The following RELL1 variants were observed in gnomAD, a reference collection of about 807,000 sequenced individuals.
RELL1 encodes the protein RELT-like protein 1.
A neutral mutation model predicts 23.0 loss-of-function variants in RELL1; 10 were observed. The ratio of observed to expected loss-of-function variants is 0.43; its 90% CI spans 0.27 to 0.74. The LOEUF (loss-of-function observed/expected upper bound fraction) is 0.74, where lower values mean the gene tolerates loss of function less well. Among genes scored for constraint, RELL1 ranks in the 30% least tolerant of loss-of-function variants. The pLI, the probability that RELL1 is intolerant of heterozygous loss-of-function variation, is 0.19. For missense variants in RELL1, 315 were observed against 364.4 expected (o/e 0.86, Z 1.10); for synonymous variants, 146 against 146.8 (o/e 0.99, Z 0.04).
At chr4:37,588,633 T>C (rs1331814991), downstream of RELL1, 1 of 516,192 alleles carries the variant, frequency 1.9e-6, no homozygotes, top group Non-Finnish European at 3.5e-6. Flanking sequence ...CAGAGGCAAG[T>C]GTCAGTGAAC....
chr4:37,609,328 AG>A (rs1385222764), downstream of RELL1, among the ~76,000 whole-genome samples: 1 of 152,234 alleles, frequency 6.6e-6, no homozygotes, highest in African/African-American at 2.4e-5. Context: ...CCCACTGTTG[AG>A]ACCTACTGCT....
intron 3 of RELL1, among the ~76,000 whole-genome samples, chr4:37,646,033 T>C (rs1311501906): frequency 6.6e-6 from 1 of 152,148 alleles, no homozygotes; most frequent in Non-Finnish European, 1.5e-5. Flanking sequence ...TTTAGACAAA[T>C]GGCTCAGCTC....
intron 1 of RELL1, among the ~76,000 whole-genome samples, chr4:37,677,015 T>C (rs950482621): frequency 5.3e-5 from 8 of 152,220 alleles, no homozygotes; most frequent in African/African-American, 1.9e-4. Context: ...CGAACCTTTC[T>C]GGGCTAGTTT....
At chr4:37,686,079 G>T in intron 1 of RELL1, 121 bp downstream of exon 1, 1 of 851,290 alleles carries the variant, frequency 1.2e-6, no homozygotes, top group Non-Finnish European at 1.8e-6. Flanking sequence ...TCAGTGCCGG[G>T]ATCCCGCGGC....
chr4:37,590,818 T>C, exon 7 of RELL1: 1 of 1,614,218 alleles, frequency 6.2e-7, no homozygotes, highest in Non-Finnish European at 8.5e-7. Context: ...AAGCATCTGC[T>C]TTAATGAGAA....
At chr4:37,595,522 G>A (rs947813352) in intron 6 of RELL1, among the ~76,000 whole-genome samples, 3 of 151,588 alleles carry the variant, frequency 2.0e-5, no homozygotes, top group Admixed American at 6.6e-5. Flanking sequence ...ATCTTTTCCC[G>A]GTCTGGTTGG....
downstream of RELL1, among the ~76,000 whole-genome samples, chr4:37,589,484 C>T (rs1718485683): frequency 6.6e-6 from 1 of 152,194 alleles, no homozygotes; most frequent in Admixed American, 6.5e-5. Flanking sequence ...TAATATTCCA[C>T]TGAGAGGATA....
chr4:37,623,101 C>A, intron 6 of RELL1: 1 of 315,980 alleles, frequency 3.2e-6, no homozygotes, highest in Non-Finnish European at 6.2e-6. Flanking sequence ...CCGCACCCGG[C>A]CAAGAAATAC....
intron 6 of RELL1, among the ~76,000 whole-genome samples, chr4:37,604,922 CACACACACACAG>C (rs1489586494): frequency 0.042 from 2,903 of 69,876 alleles, 343 homozygotes; most frequent in Non-Finnish European, 0.046. Flanking sequence ...CACACACAGA[CACACACACACAG>C]ACACACACAT....
At chr4:37,652,021 C>A (rs781635555) in intron 1 of RELL1, among the ~76,000 whole-genome samples, 40 of 152,292 alleles carry the variant, frequency 2.6e-4, no homozygotes, top group African/African-American at 9.6e-4. Flanking sequence ...GGCAGAGCGT[C>A]GCCAGCCAGG....
In RELL1 at chr4:37,624,993, C is replaced by T. The variant is rs189048437; in HGVS notation, c.*3+6392G>A. On this transcript the variant is annotated intron_variant, in intron 6 of 6. Transcript: ENST00000454158. ...GTGCCAAGGATTGACTTATGAACTA[C>T]ACATATATCGTATCATGTATGTCCA... 2.9e-4 allele frequency among the ~76,000 whole-genome samples: 44 copies of T among 152,298 alleles called. No individual in the cohort carries two copies. In the East Asian group the frequency reaches 8.1e-3, roughly 28 times the overall value.
intron 1 of RELL1, among the ~76,000 whole-genome samples, chr4:37,674,808 C>T (rs1721965783): frequency 6.6e-6 from 1 of 152,222 alleles, no homozygotes; most frequent in Admixed American, 6.5e-5. Flanking sequence ...ATAATGTTTA[C>T]ATCTACGCAT....
intron 6 of RELL1, among the ~76,000 whole-genome samples, chr4:37,617,611 C>A (rs963991431): frequency 6.6e-6 from 1 of 152,102 alleles, no homozygotes; most frequent in Non-Finnish European, 1.5e-5. Context: ...GGTGAAACCA[C>A]GTCTCTACTA....
intron 6 of RELL1, among the ~76,000 whole-genome samples, chr4:37,596,073 T>G (rs1718833336): frequency 6.6e-6 from 1 of 152,212 alleles, no homozygotes. Context: ...TCAGAGGCCC[T>G]GCCCATGTGA....
At chr4:37,626,270 G>T (rs1719940475) in intron 6 of RELL1, among the ~76,000 whole-genome samples, 1 of 152,162 alleles carries the variant, frequency 6.6e-6, no homozygotes, top group African/African-American at 2.4e-5. Context: ...TTGAGATCAG[G>T]AGTTCAAGAT....
At chr4:37,624,682 G>T (rs918477898) in intron 6 of RELL1, among the ~76,000 whole-genome samples, 3 of 152,002 alleles carry the variant, frequency 2.0e-5, no homozygotes, top group African/African-American at 7.3e-5. Flanking sequence ...GCCCACCTCG[G>T]CCTCCCACAG....
At chr4:37,666,128 A>T (rs192273979) in intron 1 of RELL1, among the ~76,000 whole-genome samples, 7 of 152,298 alleles carry the variant, frequency 4.6e-5, no homozygotes, top group Non-Finnish European at 7.4e-5. Flanking sequence ...CTTTACTGGA[A>T]TTTTTACTTA....
intron 6 of RELL1, among the ~76,000 whole-genome samples, chr4:37,601,682 C>A (rs769968682): frequency 2.0e-5 from 3 of 152,220 alleles, no homozygotes; most frequent in Non-Finnish European, 2.9e-5. Context: ...GTGAAGGCAG[C>A]TCTAGGAAGT....
At chr4:37,632,300 T>C (rs1399968904) in intron 5 of RELL1, among the ~76,000 whole-genome samples, 2 of 151,704 alleles carry the variant, frequency 1.3e-5, no homozygotes, top group African/African-American at 4.8e-5. Flanking sequence ...GCCTCTCAAG[T>C]AGCTGGGATT....
Sources: gnomAD v4.1 joint callset for allele counts (sites outside exome capture counted in the v4.1 genomes callset) on GRCh38, gnomAD v4.1.1 for gene constraint, MANE v1.5 for transcripts, NCBI Gene and HGNC (gene_info 2026-07-23, HGNC 2026-07-21) for gene names.